Variants in KAT5 observed in about 807,000 individuals in gnomAD.
KAT5 encodes histone acetyltransferase KAT5.
KAT5 carries 31 observed loss-of-function variants against 68.1 expected under a neutral mutation model. The ratio of observed to expected loss-of-function variants is 0.46; its 90% CI spans 0.34 to 0.61. KAT5 has a LOEUF of 0.61. KAT5 is among the 20% of genes least tolerant of loss of function. The probability of loss-of-function intolerance (pLI) is 0.01; values close to 1 mark genes in which losing one functional copy is unlikely to be tolerated. For synonymous variants in KAT5, 365 were observed against 292.6 expected (o/e 1.25, Z -2.52); for missense variants, 451 against 725.5 (o/e 0.62, Z 4.35).
At chr11:65,716,581 A>G in intron 8 of KAT5, 86 bp from the exon 9 acceptor site, 1 of 1,343,020 alleles carries the variant, frequency 7.4e-7, no homozygotes, top group South Asian at 1.3e-5. Flanking sequence ...GCATAGCACG[A>G]ACAGTGAAGC....
At chr11:65,715,524 G>T (rs1019527111) in intron 8 of KAT5, among the ~76,000 whole-genome samples, 2 of 152,124 alleles carry the variant, frequency 1.3e-5, no homozygotes, top group Admixed American at 6.6e-5. Context: ...ACTTTGGGAG[G>T]CTGAGGCGGG....
intron 3 of KAT5, 114 bp from the exon 4 acceptor site, chr11:65,713,234 C>T: frequency 7.5e-7 from 1 of 1,326,432 alleles, no homozygotes; most frequent in Non-Finnish European, 1.1e-6. Flanking sequence ...AGTCCTGTGT[C>T]CTTCAGAAGG....
chr11:65,713,253 G>A, intron 3 of KAT5, 95 bp from the exon 4 acceptor site: 1 of 1,395,286 alleles, frequency 7.2e-7, no homozygotes, highest in Non-Finnish European at 1.0e-6. Flanking sequence ...GGCGAGGGTG[G>A]GGTTTGATAA....
At chr11:65,712,731 C>T (rs1565206112) in intron 1 of KAT5, 35 bp from the exon 2 acceptor site, 1 of 1,610,880 alleles carries the variant, frequency 6.2e-7, no homozygotes, top group East Asian at 2.2e-5. Flanking sequence ...CATAGCCTGG[C>T]CTGTCTAAGG....
Position 65,714,922 on chromosome 11 carries a change from A to G in KAT5, c.1029+12A>G. The G allele has an allele frequency of 1.2e-6, 2 of 1,608,204 alleles. No homozygotes were observed. The highest frequency in any genetic ancestry group is 8.5e-7 in the Non-Finnish European group (1 of 1,174,532). ...GACGTAAGAACAAGGTTAGTGCTTG[A>G]GAGGCAGTGAGGCGCTGGGGTGAAT... On this transcript the variant is annotated intron_variant, in intron 8 of 12. Transcript: ENST00000341318.
chr11:65,717,131 G>C (rs1361813101), intron 10 of KAT5, 149 bp downstream of exon 10: 1 of 656,938 alleles, frequency 1.5e-6, no homozygotes, highest in Non-Finnish European at 2.7e-6. Flanking sequence ...CTCTCCCGGG[G>C]TTCTCTCCGT....
chr11:65,718,069 AGCACCTTGGT>A (rs1218939120), intron 10 of KAT5: 11 of 154,398 alleles, frequency 7.1e-5, no homozygotes, highest in Admixed American at 6.4e-4. Flanking sequence ...CGACTTAGGA[AGCACCTTGGT>A]GCACCTTTTC....
chr11:65,717,314 C>T, intron 10 of KAT5: 1 of 430,204 alleles, frequency 2.3e-6, no homozygotes, highest in African/African-American at 2.0e-5. Flanking sequence ...GTAACGTGTG[C>T]CATGATACGA....
Position 65,713,624 on chromosome 11 carries a change from C to T in KAT5, c.572C>T (p.Thr191Ile). ...AAGGTGGAGGTGGTTTCACCAGCAA[C>T]TCCAGTGCCCAGCGAGACAGCCCCG... ...KRKVEVVSPA[T>I]PVPSETAPAS... The change falls in exon 5 of 13, where the codon ACT becomes ATT. Residue 191 changes from threonine (T) to isoleucine (I), a missense_variant. Around this residue, in one of 4 missense-constraint regions of KAT5, gnomAD observed 135 missense variants for 173.4 expected, o/e 0.78. Coordinates refer to ENST00000341318, the MANE Select transcript of KAT5 (RefSeq NM_182710.3). 4 of 1,614,184 alleles carry T rather than the reference C, an allele frequency of 2.5e-6. No individual in the cohort carries two copies. Among genetic ancestry groups the T allele is most frequent in the East Asian group, 2.2e-5 (1 of 44,880 alleles).
Position 65,718,643 on chromosome 11 carries a change from T to C in KAT5, c.1318T>C (p.Ser440Pro). The change falls in exon 11 of 13, where the codon TCA becomes CCA. Residue 440 changes from serine (S) to proline (P), a missense_variant. Physicochemically the swap from Ser to Pro is moderately conservative, Grantham distance 74. This residue lies in a region of KAT5 where 210 missense variants were observed against 423.7 expected (regional missense o/e 0.50). Transcript: ENST00000341318. The stretch of plus-strand genomic sequence containing the variant: ...AACAGGGACCCCTGAGAAGCCCCTC[T>C]CAGACCTTGGCCTCCTATCCTATCG... Reference protein sequence around the residue: ...GKTGTPEKPLSDLGLLSYRSY... With the variant: ...GKTGTPEKPLPDLGLLSYRSY... 6.2e-7 allele frequency: 1 copy of C among 1,614,202 alleles called. No homozygotes were observed. Among genetic ancestry groups the C allele is most frequent in the Non-Finnish European group, 8.5e-7 (1 of 1,180,036 alleles).
In KAT5 at chr11:65,714,669, A is replaced by C; in HGVS notation, c.865A>C (p.Thr289Pro). The change falls in exon 7 of 13, where the codon ACA (threonine) becomes CCA (proline). Residue 289 changes from threonine (T) to proline (P), a missense_variant. This residue lies in a region of KAT5 where 210 missense variants were observed against 423.7 expected (regional missense o/e 0.50). Transcript: ENST00000341318. ...CTCCCCGTACCCACAGGAACTCACC[A>C]CATTGCCTGTCCTCTACCTGTGCGA... The part of the protein sequence containing the change: ...YFSPYPQELT[T>P]LPVLYLCEFC... The C allele has an allele frequency of 6.2e-7, 1 of 1,614,158 alleles. No individual in the cohort carries two copies. The highest frequency in any genetic ancestry group is 1.3e-5 in the African/African-American group (1 of 75,028).
intron 8 of KAT5, among the ~76,000 whole-genome samples, chr11:65,715,719 C>T (rs777780015): frequency 6.6e-6 from 1 of 151,646 alleles, no homozygotes; most frequent in Non-Finnish European, 1.5e-5. Context: ...CGAGATTGCA[C>T]CACTGCATTC....
intron 4 of KAT5, 39 bp downstream of exon 4, chr11:65,713,542 G>C: frequency 6.2e-7 from 1 of 1,614,132 alleles, no homozygotes; most frequent in South Asian, 1.1e-5. Context: ...TTTCTTCTCA[G>C]GTCCCACCTT....
At position 65,712,827 on chromosome 11, in the gene KAT5, C is replaced by T; in HGVS notation, c.240C>T (p.Tyr80=). The T allele has an allele frequency of 5.0e-6, 8 of 1,614,150 alleles. No individual in the cohort carries two copies. Among genetic ancestry groups the T allele is most frequent in the Non-Finnish European group, 6.8e-6 (8 of 1,180,016 alleles). Residue 80 remains tyrosine (Y), a synonymous_variant, in exon 2 of 13, where the codon TAC becomes TAT. Coordinates refer to ENST00000341318, the MANE Select transcript of KAT5 (RefSeq NM_182710.3). ...ISGRKLFYVH[Y]IDFNKRLDEW... ...GCCGGAAGCTTTTCTACGTCCATTA[C>T]ATTGACTGTGAGTTCTGGGCCTGAG...
At chr11:65,718,132 T>TA (rs1484395026) in intron 10 of KAT5, 1 of 156,818 alleles carries the variant, frequency 6.4e-6, no homozygotes, top group Non-Finnish European at 1.4e-5. Flanking sequence ...ACTCAAGTCT[T>TA]ACAGCAGGTG....
intron 10 of KAT5, chr11:65,717,464 C>A: frequency 5.1e-6 from 1 of 196,606 alleles, no homozygotes; most frequent in Non-Finnish European, 1.1e-5. Context: ...TCTCTTAAAG[C>A]CAGAAGGGAC....
intron 10 of KAT5, chr11:65,717,819 G>GA (rs1416572167): frequency 1.3e-5 from 2 of 152,574 alleles, no homozygotes; most frequent in African/African-American, 4.8e-5. Context: ...ATGTGAGTGG[G>GA]ACCAGCAAGG....
At chr11:65,718,774 G>T (rs1857294651) in intron 11 of KAT5, 25 bp downstream of exon 11, 2 of 1,613,994 alleles carry the variant, frequency 1.2e-6, no homozygotes, top group Non-Finnish European at 1.7e-6. Context: ...GTCTACCTGG[G>T]GGTACATGGC....
chr11:65,714,937 C>T lies in KAT5; in HGVS notation c.1029+27C>T, dbSNP rs982429356. ...TTAGTGCTTGAGAGGCAGTGAGGCG[C>T]TGGGGTGAATCAAATGACAGCTTCT... On this transcript the variant is annotated intron_variant, in intron 8 of 12. Transcript: ENST00000341318. 4 of 1,587,300 alleles carry T rather than the reference C, an allele frequency of 2.5e-6. No homozygotes were observed. In the African/African-American group the frequency reaches 5.4e-5, roughly 21 times the overall value.
Sources: allele counts gnomAD v4.1 joint callset (sites outside exome capture counted in the v4.1 genomes callset), GRCh38; gene constraint gnomAD v4.1.1; regional missense constraint gnomAD v4.1.1; transcripts MANE v1.5; gene names NCBI Gene and HGNC (gene_info 2026-07-23, HGNC 2026-07-21).